Variants in EPB41L2 observed in about 807,000 individuals in gnomAD.
EPB41L2 encodes the protein erythrocyte membrane protein band 4.1 like 2, also known as band 4.1-like protein 2.
In EPB41L2, 43 loss-of-function variants were observed where a neutral mutation model predicts 113.0. The ratio of observed to expected loss-of-function variants is 0.38; its 90% confidence interval spans 0.30 to 0.49. EPB41L2 has a LOEUF of 0.49. EPB41L2 is among the 20% of genes least tolerant of loss of function. The probability of loss-of-function intolerance (pLI) is 0.95; values close to 1 mark genes in which losing one functional copy is unlikely to be tolerated. For synonymous variants in EPB41L2, 442 were observed against 436.7 expected (o/e 1.01, Z -0.15); for missense variants, 1,147 against 1,223.4 (o/e 0.94, Z 0.93).
At chr6:131,018,622 G>A (rs1241905113) in intron 1 of EPB41L2, among the ~76,000 whole-genome samples, 1 of 152,112 alleles carries the variant, frequency 6.6e-6, no homozygotes, top group African/African-American at 2.4e-5. Context: ...CATCAACAAT[G>A]CTTATATTTA....
intron 1 of EPB41L2, among the ~76,000 whole-genome samples, chr6:131,010,241 C>T (rs1267781151): frequency 6.6e-6 from 1 of 151,962 alleles, no homozygotes; most frequent in East Asian, 1.9e-4. Context: ...ATTCAAGGGC[C>T]AGTAGAAGTG....
chr6:130,985,434 CGACAAGAACTCGGGAACCAGTGCGTGG>C (rs1584274781), intron 1 of EPB41L2, among the ~76,000 whole-genome samples: 2 of 152,056 alleles, frequency 1.3e-5, no homozygotes, highest in South Asian at 2.1e-4. Context: ...CTTGGGTGCG[CGACAAGAACTCGGGAACCAGTGCGTGG>C]GACAAGAACT....
At chr6:131,052,905 T>A (rs1262198596) in intron 1 of EPB41L2, among the ~76,000 whole-genome samples, 3 of 149,594 alleles carry the variant, frequency 2.0e-5, no homozygotes, top group Admixed American at 6.7e-5. Context: ...AAAATATAAA[T>A]TTTTTTTTTT....
At chr6:130,963,152 T>G (rs1001446173) in intron 1 of EPB41L2, among the ~76,000 whole-genome samples, 4 of 152,202 alleles carry the variant, frequency 2.6e-5, no homozygotes, top group African/African-American at 9.6e-5. Context: ...TGCTGGAGCT[T>G]CCTGTTTGTG....
At chr6:130,946,582 G>T (rs1812891348) in intron 3 of EPB41L2, among the ~76,000 whole-genome samples, 1 of 152,002 alleles carries the variant, frequency 6.6e-6, no homozygotes, top group Non-Finnish European at 1.5e-5. Context: ...TAGGTTGATA[G>T]CCCACAGGAA....
rs186711562 is a variant in EPB41L2 at position 130,885,222 on chromosome 6, G to A, written c.1707C>T (p.Gly569=). 19 of 1,614,050 alleles carry A rather than the reference G, an allele frequency of 1.2e-5. No homozygotes were observed. Among genetic ancestry groups the A allele is most frequent in the Middle Eastern group, 3.3e-4 (2 of 6,062 alleles). ...CATAGGCTGAAATCTCCCCAGCAGCGCCAGGAAAATCCTTCATAAGACTTT... is the reference window on the plus strand; with the variant it reads ...CATAGGCTGAAATCTCCCCAGCAGCACCAGGAAAATCCTTCATAAGACTTT... The part of the protein sequence containing the change: ...MDQSLMKDFP[G]AAGEISAYGP... Residue 569 remains glycine (G), a synonymous_variant, in exon 12 of 20, where the codon GGC becomes GGT. Coordinates refer to ENST00000337057, the MANE Select transcript of EPB41L2 (RefSeq NM_001431.4).
intron 4 of EPB41L2, among the ~76,000 whole-genome samples, chr6:130,910,660 G>T (rs962206742): frequency 6.6e-6 from 1 of 151,960 alleles, no homozygotes; most frequent in South Asian, 2.1e-4. Context: ...GAATCTACAA[G>T]GAACTTAAAC....
At chr6:130,945,646 G>A (rs1812557827) in intron 3 of EPB41L2, among the ~76,000 whole-genome samples, 1 of 152,160 alleles carries the variant, frequency 6.6e-6, no homozygotes, top group South Asian at 2.1e-4. Flanking sequence ...CGACTTATCA[G>A]TTGTAGTAAA....
rs1448637511 is a variant in EPB41L2, at chr6:130,894,967, C to T, written c.1389G>A (p.Glu463=). ...SNFYIKVRPA[E]LEQFESTIGF... is the part of the protein sequence containing the mutation. Reference sequence around the variant, plus strand: ...ACTGATTAGAAATGTCTTGGCTTACCTCTGCCGGTCTGACTTTAATGTAGA... The same window carrying T: ...ACTGATTAGAAATGTCTTGGCTTACTTCTGCCGGTCTGACTTTAATGTAGA... Residue 463 remains glutamate (E), a splice_region_variant and synonymous_variant, in exon 9 of 20, where the codon GAG becomes GAA. Transcript: ENST00000337057. 1.2e-6 allele frequency: 2 copies of T among 1,612,090 alleles called. No homozygotes were observed. Among genetic ancestry groups the T allele is most frequent in the East Asian group, 2.2e-5 (1 of 44,810 alleles).
chr6:130,850,217 G>A (rs1269663348), intron 19 of EPB41L2, among the ~76,000 whole-genome samples: 5 of 152,070 alleles, frequency 3.3e-5, no homozygotes, highest in African/African-American at 9.7e-5. Flanking sequence ...CAGTCTGCGC[G>A]ACAAGAGGGA....
chr6:130,883,921 T>C (rs777225334), intron 12 of EPB41L2, among the ~76,000 whole-genome samples: 1 of 152,224 alleles, frequency 6.6e-6, no homozygotes, highest in Non-Finnish European at 1.5e-5. Context: ...CCCTGAGACC[T>C]TCTCCATGCT....
At chr6:130,847,153 G>T (rs570455025) in intron 19 of EPB41L2, among the ~76,000 whole-genome samples, 1 of 152,194 alleles carries the variant, frequency 6.6e-6, no homozygotes, top group East Asian at 1.9e-4. Context: ...TGCTTTTCCC[G>T]ACATCCTTCC....
chr6:130,862,708 CA>C (rs536481648), intron 18 of EPB41L2, among the ~76,000 whole-genome samples: 272 of 152,176 alleles, frequency 1.8e-3, no homozygotes, highest in African/African-American at 6.0e-3. Flanking sequence ...TTACAAAGGT[CA>C]AAAAAATTGG....
chr6:130,906,069 C>T (rs545733710), intron 5 of EPB41L2, among the ~76,000 whole-genome samples: 6 of 152,124 alleles, frequency 3.9e-5, no homozygotes, highest in African/African-American at 9.7e-5. Flanking sequence ...TGGCCTATAG[C>T]GCCATGATGA....
At chr6:131,057,276 A>C (rs1422104402) in intron 1 of EPB41L2, among the ~76,000 whole-genome samples, 3 of 152,194 alleles carry the variant, frequency 2.0e-5, no homozygotes, top group African/African-American at 7.2e-5. Context: ...GTGCATGCAC[A>C]TGGGAACACA....
intron 18 of EPB41L2, among the ~76,000 whole-genome samples, chr6:130,863,401 C>T (rs575958272): frequency 1.3e-5 from 2 of 152,248 alleles, no homozygotes; most frequent in South Asian, 4.2e-4. Flanking sequence ...CTCCAGATTA[C>T]GTTGACCCAA....
chr6:130,973,425 C>A (rs1235535851), intron 1 of EPB41L2, among the ~76,000 whole-genome samples: 1 of 152,116 alleles, frequency 6.6e-6, no homozygotes, highest in Non-Finnish European at 1.5e-5. Flanking sequence ...AGATTAAGTT[C>A]TTCCCACCTT....
In EPB41L2 at chr6:130,872,403, GC is replaced by G. The variant is rs1485276974; in HGVS notation, c.2044-2278del. The G allele has an allele frequency of 2.3e-6, 3 of 1,289,120 alleles. No individual in the cohort carries two copies. In the African/African-American group the frequency reaches 4.6e-5, roughly 20 times the overall value. The allele number at this position is 1,289,120 out of a possible 1,614,324, so 79.9% of individuals were successfully genotyped here. On this transcript the variant is annotated intron_variant, in intron 14 of 19. Transcript: ENST00000337057. ...AAGTGTGAGAAGGGCGAGGAAGAAA[GC>G]TTTTCAGAAGGTGCATTAGCGCTCA...
chr6:130,875,285 A>C (rs1056390960), intron 14 of EPB41L2, among the ~76,000 whole-genome samples: 1 of 152,128 alleles, frequency 6.6e-6, no homozygotes, highest in Non-Finnish European at 1.5e-5. Context: ...TCTATTCCTC[A>C]TCCAGTGCCA....
Sources: gnomAD v4.1 joint callset for allele counts (sites outside exome capture counted in the v4.1 genomes callset) on GRCh38, gnomAD v4.1.1 for gene constraint, MANE v1.5 for transcripts, NCBI Gene and HGNC (gene_info 2026-07-23, HGNC 2026-07-21) for gene names.